Variants in DLG2 observed in about 807,000 individuals in gnomAD.
DLG2 encodes the protein discs large MAGUK scaffold protein 2.
A neutral mutation model predicts 132.5 loss-of-function variants in DLG2; 45 were observed. The ratio of observed to expected loss-of-function variants is 0.34; its 90% CI spans 0.27 to 0.44. DLG2 has a LOEUF of 0.44. Among genes scored for constraint, DLG2 ranks in the 20% least tolerant of loss-of-function variants. The pLI, the probability that DLG2 is intolerant of heterozygous loss-of-function variation, is 1.00. For synonymous variants in DLG2, 424 were observed against 419.6 expected, an observed-to-expected ratio of 1.01 and a Z score of -0.13; for missense variants, 1,045 against 1,196.9, an observed-to-expected ratio of 0.87 and a Z score of 1.87.
intron 9 of DLG2, among the ~76,000 whole-genome samples, chr11:84,154,172 A>AT (rs2095372100): frequency 6.6e-6 from 1 of 152,008 alleles, no homozygotes; most frequent in African/African-American, 2.4e-5. Context: ...TAATTTTTGT[A>AT]TTTTTAATAC....
chr11:83,977,850 A>G (rs1425642609), intron 12 of DLG2, among the ~76,000 whole-genome samples: 1 of 152,056 alleles, frequency 6.6e-6, no homozygotes, highest in Non-Finnish European at 1.5e-5. Flanking sequence ...TACTTTTAAT[A>G]CATACTTCAT....
At chr11:84,024,231 A>C (rs2095479007) in intron 11 of DLG2, among the ~76,000 whole-genome samples, 2 of 152,324 alleles carry the variant, frequency 1.3e-5, no homozygotes, top group Admixed American at 1.3e-4. Context: ...TAAAAAATGC[A>C]TCAAACTCTC....
At chr11:84,583,697 AT>A (rs2099522067) in intron 6 of DLG2, among the ~76,000 whole-genome samples, 1 of 152,030 alleles carries the variant, frequency 6.6e-6, no homozygotes, top group African/African-American at 2.4e-5. Context: ...ACTCTCCTAA[AT>A]TTTTTAGCAC....
intron 6 of DLG2, among the ~76,000 whole-genome samples, chr11:84,606,412 T>C (rs1286222467): frequency 6.6e-6 from 1 of 152,120 alleles, no homozygotes; most frequent in Non-Finnish European, 1.5e-5. Context: ...AAATATAAAT[T>C]ATAATTGTCT....
At chr11:83,886,929 T>G (rs1053721712) in intron 15 of DLG2, among the ~76,000 whole-genome samples, 2 of 151,858 alleles carry the variant, frequency 1.3e-5, no homozygotes, top group Admixed American at 6.6e-5. Context: ...TACCAGAATC[T>G]CTGGGACACA....
chr11:84,816,141 C>T (rs1427578002), intron 6 of DLG2, among the ~76,000 whole-genome samples: 1 of 151,986 alleles, frequency 6.6e-6, no homozygotes, highest in Non-Finnish European at 1.5e-5. Flanking sequence ...AAATGCAACA[C>T]CTTTTTGAGT....
intron 19 of DLG2, among the ~76,000 whole-genome samples, chr11:83,565,584 T>C (rs1206347628): frequency 6.6e-6 from 1 of 152,212 alleles, no homozygotes; most frequent in African/African-American, 2.4e-5. Flanking sequence ...TCCCAGAGTA[T>C]GTCTTGTCAA....
At chr11:85,024,663 T>C (rs1208522361) in intron 6 of DLG2, among the ~76,000 whole-genome samples, 1 of 152,216 alleles carries the variant, frequency 6.6e-6, no homozygotes, top group African/African-American at 2.4e-5. Flanking sequence ...ATCTAAGCCA[T>C]TTGTAAGCAC....
chr11:84,243,528 G>A (rs1173858519), intron 8 of DLG2, among the ~76,000 whole-genome samples: 2 of 152,142 alleles, frequency 1.3e-5, no homozygotes, highest in Non-Finnish European at 2.9e-5. Context: ...CAAAAAATAA[G>A]TTTCTTATTG....
intron 8 of DLG2, among the ~76,000 whole-genome samples, chr11:84,230,641 T>C (rs892041815): frequency 2.6e-5 from 4 of 152,100 alleles, no homozygotes; most frequent in Non-Finnish European, 2.9e-5. Flanking sequence ...CAAAACTGAA[T>C]ACATGATCAA....
chr11:85,381,037 C>A (rs2085841703), intron 3 of DLG2, among the ~76,000 whole-genome samples: 1 of 152,128 alleles, frequency 6.6e-6, no homozygotes, highest in African/African-American at 2.4e-5. Flanking sequence ...ATGAATATTT[C>A]TCTACTATAA....
At chr11:83,790,662 T>C (rs983133815) in intron 17 of DLG2, 5 of 999,312 alleles carry the variant, frequency 5.0e-6, no homozygotes, top group Middle Eastern at 2.0e-4. Context: ...TGGAGGGACA[T>C]GATGCGGACC....
chr11:84,114,377 G>A (rs959203459), intron 9 of DLG2, among the ~76,000 whole-genome samples: 1 of 152,124 alleles, frequency 6.6e-6, no homozygotes, highest in African/African-American at 2.4e-5. Context: ...TTTACACCAA[G>A]GGCTCTAGGT....
chr11:83,904,274 T>A (rs1319166815), intron 15 of DLG2, among the ~76,000 whole-genome samples: 2 of 152,046 alleles, frequency 1.3e-5, no homozygotes, highest in East Asian at 1.9e-4. Context: ...ATTTCTGAAA[T>A]TTTCCATTTA....
intron 19 of DLG2, among the ~76,000 whole-genome samples, chr11:83,584,330 T>C (rs493431): frequency 0.72 from 109,896 of 152,104 alleles, 40,411 homozygotes; most frequent in African/African-American, 0.86. Flanking sequence ...ATGTTTGTTA[T>C]GATGTAAAGG....
intron 7 of DLG2, among the ~76,000 whole-genome samples, chr11:84,532,059 T>C (rs1206987360): frequency 6.6e-6 from 1 of 151,538 alleles, no homozygotes; most frequent in Non-Finnish European, 1.5e-5. Context: ...TTATCATGTA[T>C]ATGCTGAAGA....
intron 6 of DLG2, among the ~76,000 whole-genome samples, chr11:84,899,079 G>T (rs548570820): frequency 1.3e-5 from 2 of 151,814 alleles, no homozygotes; most frequent in Non-Finnish European, 2.9e-5. Context: ...CTTCAATTCC[G>T]GCCAACAGAA....
rs151321318 is a variant in DLG2, at chr11:83,544,255, A to G, written c.1941-2397T>C. ...TCATATCTTTTTGTGGTAATAAATCATAATCATGAGCATGATCATGCTGAG... is the reference window on the plus strand; with the variant it reads ...TCATATCTTTTTGTGGTAATAAATCGTAATCATGAGCATGATCATGCTGAG... On this transcript the variant is annotated intron_variant, in intron 19 of 27. Transcript: ENST00000376104. Among the ~76,000 whole-genome samples the G allele has an allele frequency of 4.3e-4, 66 of 152,306 alleles. 1 individual carries two copies. In the East Asian group the frequency reaches 9.4e-3, roughly 22 times the overall value.
chr11:83,762,819 G>A (rs2093968479), intron 18 of DLG2, among the ~76,000 whole-genome samples: 1 of 152,164 alleles, frequency 6.6e-6, no homozygotes, highest in South Asian at 2.1e-4. Flanking sequence ...CTGACCTCGT[G>A]ATCTGCCTGC....
Sources: allele counts gnomAD v4.1 joint callset (sites outside exome capture counted in the v4.1 genomes callset), GRCh38; gene constraint gnomAD v4.1.1; transcripts MANE v1.5; gene names NCBI Gene and HGNC (gene_info 2026-07-23, HGNC 2026-07-21).